MMP26: variants seen among roughly 807,000 people sequenced by gnomAD.
MMP26 encodes the protein matrix metalloproteinase-26.
MMP26 carries 33 observed loss-of-function variants against 31.0 expected under a neutral mutation model. The observed-to-expected ratio is 1.06, with a 90% CI of 0.81 to 1.42. The LOEUF is 1.42. Ranked by LOEUF, MMP26 falls within the 40% of genes most tolerant of loss-of-function variation. The pLI, the probability that MMP26 is intolerant of heterozygous loss-of-function variation, is 0.00. For synonymous variants in MMP26, 122 were observed against 114.9 expected (o/e 1.06, Z -0.40); for missense variants, 347 against 316.1 (o/e 1.10, Z -0.74).
At chr11:4,926,617 T>G (rs1214724736) in intron 2 of MMP26, among the ~76,000 whole-genome samples, 1 of 152,230 alleles carries the variant, frequency 6.6e-6, no homozygotes, top group Non-Finnish European at 1.5e-5. Flanking sequence ...TTCACATTTA[T>G]GTCTCCAGAC....
intron 2 of MMP26, among the ~76,000 whole-genome samples, chr11:4,925,217 T>C (rs1851253148): frequency 6.6e-6 from 1 of 152,158 alleles, no homozygotes; most frequent in African/African-American, 2.4e-5. Flanking sequence ...AGCAAGTAAG[T>C]GTTGGGGATG....
intron 2 of MMP26, among the ~76,000 whole-genome samples, chr11:4,984,175 C>T (rs1439649856): frequency 6.6e-6 from 1 of 152,086 alleles, no homozygotes; most frequent in Non-Finnish European, 1.5e-5. Context: ...GGGGCAGTCT[C>T]ATCAAAAGTG....
intron 2 of MMP26, among the ~76,000 whole-genome samples, chr11:4,775,105 A>C (rs1289783191): frequency 2.0e-5 from 3 of 152,278 alleles, no homozygotes; most frequent in Non-Finnish European, 4.4e-5. Flanking sequence ...TGTCTTGGCT[A>C]TACAGGCTCT....
intron 2 of MMP26, among the ~76,000 whole-genome samples, chr11:4,862,691 T>G (rs1242188059): frequency 6.6e-6 from 1 of 152,174 alleles, no homozygotes; most frequent in Non-Finnish European, 1.5e-5. Context: ...CCCTACCTTT[T>G]CTGCCTCCTG....
chr11:4,823,898 A>G (rs1244828744), intron 2 of MMP26, among the ~76,000 whole-genome samples: 4 of 152,150 alleles, frequency 2.6e-5, no homozygotes, highest in African/African-American at 9.7e-5. Context: ...ATCACTCTCA[A>G]TAATCTTATA....
Position 4,988,110 on chromosome 11 carries a change from A to T in MMP26, c.-102A>T. The T allele has an allele frequency of 4.8e-6, 5 of 1,036,666 alleles. No homozygotes were observed. Among genetic ancestry groups the T allele is most frequent in the Non-Finnish European group, 7.6e-6 (5 of 656,132 alleles). 64.2% of individuals were successfully genotyped at this position (1,036,666 alleles called of 1,614,324 possible). ...ACTCACAGATTCAAAGAAAGGGCAA[A>T]CTGGCAGAGTGAGTCATTGGATGTT... On this transcript the variant is annotated 5_prime_UTR_variant, in exon 3 of 8. Coordinates refer to ENST00000380390, the MANE Select transcript of MMP26 (RefSeq NM_021801.5).
At chr11:4,841,740 C>A (rs1849799356) in intron 2 of MMP26, among the ~76,000 whole-genome samples, 1 of 152,180 alleles carries the variant, frequency 6.6e-6, no homozygotes, top group Non-Finnish European at 1.5e-5. Context: ...CGAGACCAGT[C>A]TGACCAACAT....
chr11:4,763,920 A>T (rs1019231839), intron 1 of MMP26, among the ~76,000 whole-genome samples: 5 of 152,204 alleles, frequency 3.3e-5, no homozygotes, highest in African/African-American at 1.2e-4. Flanking sequence ...TCCTAAAATA[A>T]AAATTGGATT....
chr11:4,789,530 C>CTTTTTTTTTTTTTTTTTTT lies in MMP26; in HGVS notation c.-145+22200_-145+22218dup, dbSNP rs71050429. Among the ~76,000 whole-genome samples, 6 of 65,972 alleles carry CTTTTTTTTTTTTTTTTTTT rather than the reference C, an allele frequency of 9.1e-5. 1 individual carries two copies. The highest frequency in any genetic ancestry group is 5.7e-4 in the Admixed American group (2 of 3,524). The allele number at this position is 65,972 out of a possible 152,430, so 43.3% of individuals were successfully genotyped here. ...TCCTGAAGGTAAAGATATCCCCCCA[C>CTTTTTTTTTTTTTTTTTTT]TTTTTTTTTTTTTTTTTTTTTTTTT... On this transcript the variant is annotated intron_variant, in intron 2 of 7. Transcript: ENST00000380390.
At chr11:4,922,275 C>T (rs556024427) in intron 2 of MMP26, among the ~76,000 whole-genome samples, 24 of 152,194 alleles carry the variant, frequency 1.6e-4, no homozygotes, top group African/African-American at 5.8e-4. Context: ...GGTGACTTTC[C>T]TTTCTGGAAT....
chr11:4,951,820 CCT>C (rs1305130034), intron 2 of MMP26, among the ~76,000 whole-genome samples: 7 of 124,440 alleles, frequency 5.6e-5, no homozygotes, highest in African/African-American at 1.9e-4. Context: ...AGTTCTCTCT[CCT>C]CTCTTCATTG....
At chr11:4,839,662 C>A (rs1031112734) in intron 2 of MMP26, among the ~76,000 whole-genome samples, 3 of 151,642 alleles carry the variant, frequency 2.0e-5, no homozygotes, top group Non-Finnish European at 4.4e-5. Flanking sequence ...CTGAAGAGCC[C>A]TTGGACCCCG....
intron 2 of MMP26, among the ~76,000 whole-genome samples, chr11:4,986,905 TTCTCTC>T (rs71050445): frequency 1.4e-4 from 7 of 48,674 alleles, no homozygotes; most frequent in African/African-American, 2.5e-4. Flanking sequence ...CTTCCTTCCT[TTCTCTC>T]TCTCTCTCTC....
chr11:4,800,005 T>A (rs1564912328), intron 2 of MMP26, among the ~76,000 whole-genome samples: 1 of 152,154 alleles, frequency 6.6e-6, no homozygotes, highest in Non-Finnish European at 1.5e-5. Context: ...TCTCATGGAC[T>A]GGAGTTGAGT....
chr11:4,832,687 A>T, intron 2 of MMP26: 1 of 196,306 alleles, frequency 5.1e-6, no homozygotes, highest in South Asian at 1.1e-4. Context: ...CCAGGATGTA[A>T]TGAAGCTGGC....
chr11:4,948,185 G>A lies in MMP26; in HGVS notation c.-144-39883G>A, dbSNP rs1795553182. ...ACCTACTTCGGTAATAAGACTTTAT[G>A]TTTAAGAATCTACAAGCCAAAAATC... On this transcript the variant is annotated intron_variant, in intron 2 of 7. Transcript: ENST00000380390. Among the ~76,000 whole-genome samples, 2 of 124,760 alleles carry A rather than the reference G, an allele frequency of 1.6e-5. 1 individual carries two copies. The allele number at this position is 124,760 out of a possible 152,430, so 81.8% of individuals were successfully genotyped here.
intron 2 of MMP26, among the ~76,000 whole-genome samples, chr11:4,904,497 A>G (rs1850853145): frequency 6.6e-6 from 1 of 152,070 alleles, no homozygotes; most frequent in Admixed American, 6.5e-5. Flanking sequence ...CCTTTGCAAG[A>G]TCCTCTCAAC....
chr11:4,794,961 C>T (rs1262563031), intron 2 of MMP26: 4 of 152,212 alleles, frequency 2.6e-5, no homozygotes, highest in Non-Finnish European at 5.9e-5. Context: ...CCTCTACTGT[C>T]CAGATGGGAA....
intron 2 of MMP26, chr11:4,915,311 G>A: frequency 6.2e-7 from 1 of 1,614,026 alleles, no homozygotes; most frequent in Non-Finnish European, 8.5e-7. Flanking sequence ...CAGTAGCACA[G>A]AGGACTCGAG....
Sources: gnomAD v4.1 joint callset for allele counts (sites outside exome capture counted in the v4.1 genomes callset) on GRCh38, gnomAD v4.1.1 for gene constraint, MANE v1.5 for transcripts, NCBI Gene and HGNC (gene_info 2026-07-23, HGNC 2026-07-21) for gene names.